The following PRICKLE1 variants were observed in gnomAD, a reference collection of about 807,000 sequenced individuals.
PRICKLE1 encodes the protein prickle-like protein 1.
Under a neutral mutation model 70.2 loss-of-function variants are expected in PRICKLE1, and 14 were observed. That is an observed-to-expected ratio of 0.20 (90% CI 0.13 to 0.31). PRICKLE1 has a LOEUF of 0.31. Among genes scored for constraint, PRICKLE1 ranks in the 10% least tolerant of loss-of-function variants. The probability of loss-of-function intolerance (pLI) is 1.00; values close to 1 mark genes in which losing one functional copy is unlikely to be tolerated. For missense variants in PRICKLE1, 821 were observed against 1,026.2 expected, an observed-to-expected ratio of 0.80 and a Z score of 2.73; for synonymous variants, 357 against 379.9, an observed-to-expected ratio of 0.94 and a Z score of 0.70.
intron 1 of PRICKLE1, among the ~76,000 whole-genome samples, chr12:42,554,397 A>G (rs1293587518): frequency 6.6e-6 from 1 of 152,260 alleles, no homozygotes; most frequent in Non-Finnish European, 1.5e-5. Context: ...CTTAGAATTC[A>G]GCAAAGCCGT....
chr12:42,472,558 A>G lies in PRICKLE1; in HGVS notation c.-42T>C, dbSNP rs770613473. 3 of 1,613,318 alleles carry G rather than the reference A, an allele frequency of 1.9e-6. No individual in the cohort carries two copies. Among genetic ancestry groups the G allele is most frequent in the African/African-American group, 2.7e-5 (2 of 74,912 alleles). ...TTTCTCAGTCACAGGACATCAAACA[A>G]TGGCTGCTGTGAACAATATAAGAAA... On this transcript the variant is annotated 5_prime_UTR_variant, in exon 2 of 8. Coordinates refer to ENST00000345127, the MANE Select transcript of PRICKLE1 (RefSeq NM_153026.3).
intron 1 of PRICKLE1, among the ~76,000 whole-genome samples, chr12:42,528,532 T>C (rs1939854324): frequency 6.6e-6 from 1 of 152,232 alleles, no homozygotes. Context: ...GGTTTACATC[T>C]GCCTTTAAAT....
chr12:42,467,066 G>C (rs1306617288), intron 5 of PRICKLE1, among the ~76,000 whole-genome samples: 43 of 151,974 alleles, frequency 2.8e-4, no homozygotes, highest in Non-Finnish European at 2.9e-5. Flanking sequence ...TTTTGGGACA[G>C]AGACGGGGTC....
At chr12:42,570,419 C>T (rs1341149833) in intron 1 of PRICKLE1, among the ~76,000 whole-genome samples, 1 of 152,180 alleles carries the variant, frequency 6.6e-6, no homozygotes, top group Non-Finnish European at 1.5e-5. Context: ...CCATATTTCT[C>T]TTTCTAGAAA....
At chr12:42,576,957 G>C (rs1432434404) in intron 1 of PRICKLE1, among the ~76,000 whole-genome samples, 4 of 152,142 alleles carry the variant, frequency 2.6e-5, no homozygotes, top group South Asian at 4.2e-4. Flanking sequence ...AGTTACACCA[G>C]CATTTATCTG....
rs2708062 is a variant in PRICKLE1 at position 42,468,948 on chromosome 12, T to G, written c.385-119A>C. The G allele has an allele frequency of 0.99, 967,182 of 975,908 alleles. 479,757 individuals carry two copies. The highest frequency in any genetic ancestry group is 1 in the East Asian group (38,420 of 38,420). 60.5% of individuals were successfully genotyped at this position (975,908 alleles called of 1,614,324 possible). Reference sequence around the variant, plus strand: ...GAATGTATTTATTTTTGCTACCTCTTTTAGTGATTAAATAGCTCTTTAATG... The same window carrying G: ...GAATGTATTTATTTTTGCTACCTCTGTTAGTGATTAAATAGCTCTTTAATG... On this transcript the variant is annotated intron_variant, in intron 4 of 7. Transcript: ENST00000345127.
intron 1 of PRICKLE1, among the ~76,000 whole-genome samples, chr12:42,520,941 C>T (rs936802541): frequency 9.2e-5 from 14 of 152,214 alleles, no homozygotes; most frequent in Non-Finnish European, 1.5e-4. Flanking sequence ...GAGGCTGAGG[C>T]GGGCAGATCA....
intron 1 of PRICKLE1, among the ~76,000 whole-genome samples, chr12:42,518,341 G>T (rs1481046031): frequency 2.0e-5 from 3 of 152,184 alleles, no homozygotes; most frequent in Non-Finnish European, 4.4e-5. Context: ...ACAACAACCG[G>T]CTGAGGATGG....
In PRICKLE1 at chr12:42,501,494, G is replaced by GTA. The variant is rs547908782; in HGVS notation, c.-48-28932_-48-28931dup. Among the ~76,000 whole-genome samples, 809 of 107,088 alleles carry GTA rather than the reference G, an allele frequency of 7.6e-3. 12 individuals are homozygous for GTA. Among genetic ancestry groups the GTA allele is most frequent in the Middle Eastern group, 0.033 (3 of 92 alleles). The allele number at this position is 107,088 out of a possible 152,430, so 70.3% of individuals were successfully genotyped here. A position where few individuals can be genotyped will look rare whatever the true frequency, so the allele number is the denominator to read the frequency against. The stretch of plus-strand genomic sequence containing the variant: ...CACTGCACTCCAGCCTGGTAACAGA[G>GTA]TAAGACTCCATCTCAAAAAAAAAAA... On this transcript the variant is annotated intron_variant, in intron 1 of 7. Coordinates refer to ENST00000345127, the MANE Select transcript of PRICKLE1 (RefSeq NM_153026.3).
chr12:42,488,953 C>T (rs1194693910), intron 1 of PRICKLE1, among the ~76,000 whole-genome samples: 4 of 133,354 alleles, frequency 3.0e-5, no homozygotes, highest in African/African-American at 6.4e-5. Context: ...GACAGAGTTT[C>T]GCTCTTGTTG....
intron 1 of PRICKLE1, among the ~76,000 whole-genome samples, chr12:42,573,443 C>T (rs1365749449): frequency 6.6e-6 from 1 of 152,132 alleles, no homozygotes; most frequent in Non-Finnish European, 1.5e-5. Flanking sequence ...CTCTTTAACT[C>T]ACAGGAGTTA....
intron 1 of PRICKLE1, among the ~76,000 whole-genome samples, chr12:42,494,068 T>TA (rs979203891): frequency 5.9e-5 from 9 of 152,202 alleles, no homozygotes; most frequent in African/African-American, 9.6e-5. Flanking sequence ...GCACAATGTC[T>TA]AAAAAAACAA....
chr12:42,459,209 TAC>T lies in PRICKLE1; in HGVS notation c.*598_*599del. ...AATATTTGCACCGTTAAATTAGGAATACACTTAAGTCTATGAAATACTAAGTT... is the reference window on the plus strand; with the variant it reads ...AATATTTGCACCGTTAAATTAGGAATACTTAAGTCTATGAAATACTAAGTT... On this transcript the variant is annotated 3_prime_UTR_variant, in exon 8 of 8. Transcript: ENST00000345127. 1 of 690,356 alleles carries T rather than the reference TAC, an allele frequency of 1.4e-6. No homozygotes were observed. The highest frequency in any genetic ancestry group is 2.7e-5 in the East Asian group (1 of 37,216). 42.8% of individuals were successfully genotyped at this position (690,356 alleles called of 1,614,324 possible). A position where few individuals can be genotyped will look rare whatever the true frequency, so the allele number is the denominator to read the frequency against.
chr12:42,556,241 C>G (rs1940411039), intron 1 of PRICKLE1, among the ~76,000 whole-genome samples: 1 of 152,074 alleles, frequency 6.6e-6, no homozygotes, highest in African/African-American at 2.4e-5. Flanking sequence ...TCAATGTTTC[C>G]CAGGCCCAAG....
At chr12:42,528,827 A>G (rs1939859021) in intron 1 of PRICKLE1, among the ~76,000 whole-genome samples, 1 of 152,222 alleles carries the variant, frequency 6.6e-6, no homozygotes, top group Non-Finnish European at 1.5e-5. Flanking sequence ...TAAGCTAGAC[A>G]ACAAACATGT....
intron 1 of PRICKLE1, among the ~76,000 whole-genome samples, chr12:42,501,040 T>C (rs901133704): frequency 6.6e-6 from 1 of 152,184 alleles, no homozygotes; most frequent in East Asian, 1.9e-4. Context: ...CTTCTACCTA[T>C]TGGAAAAGTG....
At chr12:42,583,430 G>A (rs1201966522) in intron 1 of PRICKLE1, among the ~76,000 whole-genome samples, 1 of 152,118 alleles carries the variant, frequency 6.6e-6, no homozygotes, top group Non-Finnish European at 1.5e-5. Flanking sequence ...AGGATAAAGG[G>A]GATTTAAGGG....
chr12:42,498,227 C>T (rs1224932692), intron 1 of PRICKLE1, among the ~76,000 whole-genome samples: 5 of 148,970 alleles, frequency 3.4e-5, no homozygotes, highest in South Asian at 4.2e-4. Context: ...GGCTAGAATG[C>T]GGTGGTGCGA....
intron 1 of PRICKLE1, among the ~76,000 whole-genome samples, chr12:42,490,225 G>C (rs1376925185): frequency 1.3e-5 from 2 of 152,198 alleles, no homozygotes; most frequent in African/African-American, 2.4e-5. Flanking sequence ...AACCGTGAAG[G>C]TGGGGTGACA....
Sources: allele counts gnomAD v4.1 joint callset (sites outside exome capture counted in the v4.1 genomes callset), GRCh38; gene constraint gnomAD v4.1.1; transcripts MANE v1.5; gene names NCBI Gene and HGNC (gene_info 2026-07-23, HGNC 2026-07-21).